The following CHN1 variants were observed in gnomAD, a reference collection of about 807,000 sequenced individuals.
The protein encoded by CHN1 is chimerin 1, also known as N-chimaerin.
A neutral mutation model predicts 59.5 loss-of-function variants in CHN1; 37 were observed. That is an observed-to-expected ratio of 0.62 (90% CI 0.48 to 0.82). The LOEUF (loss-of-function observed/expected upper bound fraction) is 0.82, where lower values mean the gene tolerates loss of function less well. CHN1 is among the 40% of genes least tolerant of loss of function. The pLI is 0.00. For missense variants in CHN1, 469 were observed against 571.0 expected (o/e 0.82, Z 1.82); for synonymous variants, 206 against 200.4 (o/e 1.03, Z -0.24).
intron 5 of CHN1, among the ~76,000 whole-genome samples, chr2:174,905,718 C>T (rs771853696): frequency 4.1e-4 from 62 of 152,018 alleles, no homozygotes; most frequent in Non-Finnish European, 6.9e-4. Context: ...CTACCATGCC[C>T]GGCTAATTTT....
intron 1 of CHN1, among the ~76,000 whole-genome samples, chr2:174,980,193 A>G (rs1437768481): frequency 6.6e-6 from 1 of 152,230 alleles, no homozygotes; most frequent in African/African-American, 2.4e-5. Context: ...ACCCTCTGCT[A>G]TCTCTAATTC....
At chr2:174,947,962 A>G (rs1420626621) in intron 2 of CHN1, among the ~76,000 whole-genome samples, 2 of 152,216 alleles carry the variant, frequency 1.3e-5, no homozygotes, top group Non-Finnish European at 2.9e-5. Context: ...CAATCATTAA[A>G]TGATTCACCA....
Position 174,992,289 on chromosome 2 carries a change from G to A in CHN1, c.19+12605C>T, listed in dbSNP as rs181977274. 1.8e-4 allele frequency among the ~76,000 whole-genome samples: 27 copies of A among 152,316 alleles called. 1 individual carries two copies. The highest frequency in any genetic ancestry group is 1.7e-3 in the Admixed American group (26 of 15,306). On this transcript the variant is annotated intron_variant, in intron 1 of 12. Transcript: ENST00000409900. ...GGAAATCCAGATAGAGCTGTGGAGT[G>A]TATGGAAGGGCAGGCTGGAGATAGA...
At chr2:174,899,159 GCTGTAA>G (rs1443483696) in intron 5 of CHN1, among the ~76,000 whole-genome samples, 1 of 149,428 alleles carries the variant, frequency 6.7e-6, no homozygotes, top group Non-Finnish European at 1.5e-5. Context: ...ATGAAAAAGT[GCTGTAA>G]GAAGCCTAGT....
intron 5 of CHN1, among the ~76,000 whole-genome samples, chr2:174,903,523 A>C (rs1183281077): frequency 6.6e-6 from 1 of 152,198 alleles, no homozygotes; most frequent in Non-Finnish European, 1.5e-5. Context: ...ATCTCTAGGG[A>C]GTGGAACTAG....
chr2:174,965,897 C>G (rs1447928098), intron 1 of CHN1, among the ~76,000 whole-genome samples: 1 of 152,158 alleles, frequency 6.6e-6, no homozygotes, highest in African/African-American at 2.4e-5. Context: ...ACCAAACAAA[C>G]AACTACTATA....
intron 6 of CHN1, among the ~76,000 whole-genome samples, chr2:174,876,166 C>T (rs1046880015): frequency 6.6e-6 from 1 of 152,172 alleles, no homozygotes; most frequent in Non-Finnish European, 1.5e-5. Context: ...AATATCAGTT[C>T]CACTTTGACT....
intron 5 of CHN1, among the ~76,000 whole-genome samples, chr2:174,880,172 A>C (rs1382773535): frequency 6.6e-6 from 1 of 152,192 alleles, no homozygotes; most frequent in East Asian, 1.9e-4. Context: ...CAATCCAATA[A>C]AACTTTCAGT....
chr2:174,944,205 G>A (rs1394707056), intron 3 of CHN1, among the ~76,000 whole-genome samples: 2 of 152,220 alleles, frequency 1.3e-5, no homozygotes, highest in Non-Finnish European at 1.5e-5. Context: ...TGGTTCATCA[G>A]GATAAATTCC....
intron 7 of CHN1, among the ~76,000 whole-genome samples, chr2:174,828,396 G>A (rs554114597): frequency 6.6e-6 from 1 of 152,268 alleles, no homozygotes; most frequent in African/African-American, 2.4e-5. Flanking sequence ...TTATCTAAAT[G>A]TTTCACTTTA....
intron 8 of CHN1, 118 bp from the exon 9 acceptor site, chr2:174,812,600 A>G (rs1290249087): frequency 2.6e-6 from 2 of 763,438 alleles, no homozygotes; most frequent in African/African-American, 3.5e-5. Context: ...AGTGGACTAG[A>G]CTCCAGCAGT....
intron 1 of CHN1, among the ~76,000 whole-genome samples, chr2:174,968,305 A>G (rs574665371): frequency 1.3e-5 from 2 of 152,326 alleles, no homozygotes; most frequent in African/African-American, 4.8e-5. Flanking sequence ...TAAGGAAAAA[A>G]AAAGTGGATT....
chr2:174,996,475 C>T (rs1646684127), intron 1 of CHN1, among the ~76,000 whole-genome samples: 1 of 152,108 alleles, frequency 6.6e-6, no homozygotes, highest in African/African-American at 2.4e-5. Flanking sequence ...ATACTAAGAA[C>T]CTTATAAAAT....
At chr2:174,971,525 A>G (rs138174497) in intron 1 of CHN1, among the ~76,000 whole-genome samples, 1,742 of 152,320 alleles carry the variant, frequency 0.011, 26 homozygotes, top group East Asian at 0.032. Context: ...TTTGAAAACC[A>G]CTGGCCTAAA....
At chr2:174,884,124 A>G (rs1687823471) in intron 5 of CHN1, among the ~76,000 whole-genome samples, 1 of 151,860 alleles carries the variant, frequency 6.6e-6, no homozygotes, top group Non-Finnish European at 1.5e-5. Context: ...ACCCGCCACC[A>G]TGCCTGCCTA....
intron 6 of CHN1, chr2:174,847,773 CAAAAAAAAAAAAAA>C (rs71031072): frequency 5.5e-5 from 13 of 238,382 alleles, no homozygotes; most frequent in South Asian, 1.8e-4. Flanking sequence ...TGGCTCAAGG[CAAAAAAAAAAAAAA>C]AAAAAAAAAA....
intron 7 of CHN1, among the ~76,000 whole-genome samples, chr2:174,842,860 T>C (rs975505712): frequency 6.6e-6 from 1 of 152,234 alleles, no homozygotes; most frequent in Admixed American, 6.5e-5. Flanking sequence ...GATTCACTGT[T>C]TGCCTGTTAT....
chr2:174,984,539 T>A (rs1194802703), intron 1 of CHN1, among the ~76,000 whole-genome samples: 1 of 152,040 alleles, frequency 6.6e-6, no homozygotes, highest in African/African-American at 2.4e-5. Flanking sequence ...CAGCTAATTT[T>A]TGTATTTTTA....
intron 5 of CHN1, among the ~76,000 whole-genome samples, chr2:174,909,887 T>C (rs1009325381): frequency 8.5e-5 from 13 of 152,166 alleles, no homozygotes; most frequent in Admixed American, 7.2e-4. Flanking sequence ...GGGTCCCTTT[T>C]GCGATATACT....
Sources: gnomAD v4.1 joint callset for allele counts (sites outside exome capture counted in the v4.1 genomes callset) on GRCh38, gnomAD v4.1.1 for gene constraint, MANE v1.5 for transcripts, NCBI Gene and HGNC (gene_info 2026-07-23, HGNC 2026-07-21) for gene names.